Variants in SAMMSON observed in about 807,000 individuals in gnomAD.
SAMMSON encodes long intergenic non-protein coding RNA 1212.
At chr3:70,131,953 T>C (rs548805884) in intron 4 of SAMMSON, among the ~76,000 whole-genome samples, 1 of 152,208 alleles carries the variant, frequency 6.6e-6, no homozygotes, top group South Asian at 2.1e-4. Context: ...GGAGATGATA[T>C]TGAGAAATAA....
chr3:70,110,178 T>G (rs1237739241), intron 4 of SAMMSON, among the ~76,000 whole-genome samples: 1 of 152,216 alleles, frequency 6.6e-6, no homozygotes, highest in Non-Finnish European at 1.5e-5. Flanking sequence ...TATGTTCGTG[T>G]GTCTTTCTCT....
At chr3:70,091,684 A>G (rs946284796) in intron 4 of SAMMSON, among the ~76,000 whole-genome samples, 1 of 152,146 alleles carries the variant, frequency 6.6e-6, no homozygotes, top group Non-Finnish European at 1.5e-5. Context: ...TGGCAACATC[A>G]TAAGCTGGGA....
intron 4 of SAMMSON, among the ~76,000 whole-genome samples, chr3:70,091,354 T>G (rs1009922373): frequency 6.6e-6 from 1 of 152,176 alleles, no homozygotes; most frequent in Admixed American, 6.6e-5. Context: ...CCATAGAGAT[T>G]TCCACTGAAA....
At chr3:70,132,426 C>T (rs898111670) in intron 4 of SAMMSON, among the ~76,000 whole-genome samples, 3 of 152,162 alleles carry the variant, frequency 2.0e-5, no homozygotes, top group Admixed American at 6.5e-5. Context: ...TAGCCTACTA[C>T]ACATGCCCAT....
intron 2 of SAMMSON, among the ~76,000 whole-genome samples, chr3:70,416,299 G>T (rs534690640): frequency 6.6e-6 from 1 of 152,186 alleles, no homozygotes; most frequent in South Asian, 2.1e-4. Context: ...GTACATAAAG[G>T]TATCTATTCC....
intron 3 of SAMMSON, among the ~76,000 whole-genome samples, chr3:70,035,357 A>T (rs1053796079): frequency 6.6e-6 from 1 of 151,712 alleles, no homozygotes; most frequent in Non-Finnish European, 1.5e-5. Flanking sequence ...ACACTCTTTT[A>T]TAAGGCTCAT....
At chr3:70,232,941 C>A (rs1400395385) in intron 4 of SAMMSON, among the ~76,000 whole-genome samples, 2 of 152,236 alleles carry the variant, frequency 1.3e-5, no homozygotes, top group South Asian at 4.1e-4. Context: ...GTAATCCCAG[C>A]ACTTTGGAAG....
intron 7 of SAMMSON, among the ~76,000 whole-genome samples, chr3:70,348,420 G>C (rs1702768638): frequency 6.6e-6 from 1 of 152,068 alleles, no homozygotes; most frequent in South Asian, 2.1e-4. Flanking sequence ...TTGGGTTCTT[G>C]GTAAGGGCCT....
chr3:70,251,191 GC>G (rs1162394510), intron 6 of SAMMSON, among the ~76,000 whole-genome samples: 2 of 152,174 alleles, frequency 1.3e-5, no homozygotes, highest in Non-Finnish European at 2.9e-5. Context: ...TGGAGACAGA[GC>G]TACTCCTCAG....
intron 8 of SAMMSON, among the ~76,000 whole-genome samples, chr3:70,356,112 C>T (rs1702827534): frequency 6.6e-6 from 1 of 152,124 alleles, no homozygotes; most frequent in Non-Finnish European, 1.5e-5. Context: ...ACGGTAATGA[C>T]TCAGTGACAT....
intron 7 of SAMMSON, among the ~76,000 whole-genome samples, chr3:70,348,033 ACT>A (rs1702765579): frequency 1.3e-5 from 2 of 152,104 alleles, no homozygotes; most frequent in Non-Finnish European, 2.9e-5. Flanking sequence ...ACAGAGCAAG[ACT>A]CTGTCTTGAA....
intron 6 of SAMMSON, among the ~76,000 whole-genome samples, chr3:70,261,941 C>T (rs2106662241): frequency 6.6e-6 from 1 of 152,204 alleles, no homozygotes. Context: ...AGTTTAAAGC[C>T]CTTGAACTCT....
downstream of SAMMSON, among the ~76,000 whole-genome samples, chr3:70,391,549 C>T (rs940348902): frequency 6.6e-5 from 10 of 151,782 alleles, no homozygotes; most frequent in Admixed American, 3.3e-4. Context: ...AGTCTGTAGT[C>T]CAATTATATG....
At chr3:70,090,868 A>T (rs2067302680) in intron 4 of SAMMSON, among the ~76,000 whole-genome samples, 1 of 152,080 alleles carries the variant, frequency 6.6e-6, no homozygotes, top group African/African-American at 2.4e-5. Flanking sequence ...CCTGAATCTT[A>T]GGCTTAAAAA....
At chr3:70,306,809 A>G (rs1702405550) in intron 7 of SAMMSON, among the ~76,000 whole-genome samples, 1 of 152,178 alleles carries the variant, frequency 6.6e-6, no homozygotes, top group African/African-American at 2.4e-5. Flanking sequence ...TTTCTGAAGG[A>G]CAAAAAACTT....
chr3:70,104,080 A>G (rs915793590), intron 4 of SAMMSON, among the ~76,000 whole-genome samples: 3 of 151,618 alleles, frequency 2.0e-5, no homozygotes, highest in Admixed American at 6.6e-5. Flanking sequence ...GGAAAACCCA[A>G]TGGTGTTCAA....
chr3:70,263,750 A>G (rs1001744181), intron 6 of SAMMSON, among the ~76,000 whole-genome samples: 3 of 151,922 alleles, frequency 2.0e-5, no homozygotes, highest in Non-Finnish European at 2.9e-5. Flanking sequence ...CCAAATTTCA[A>G]TTTGTCTTTC....
At position 70,138,423 on chromosome 3, in the gene SAMMSON, C is replaced by T. The variant is rs749879530; in HGVS notation, n.507+66858C>T. Among the ~76,000 whole-genome samples, 6 of 151,962 alleles carry T rather than the reference C, an allele frequency of 3.9e-5. No individual in the cohort carries two copies. In the South Asian group the frequency reaches 8.3e-4, roughly 21 times the overall value. ...TGGCTGTTTTTTCCCTGTAACCTCACGTGGCAGAAGGGGTGAGAGATGTCT... is the reference window on the plus strand; with the variant it reads ...TGGCTGTTTTTTCCCTGTAACCTCATGTGGCAGAAGGGGTGAGAGATGTCT... On this transcript the variant is annotated intron_variant and non_coding_transcript_variant, in intron 4 of 9. Transcript: ENST00000642114.
At chr3:70,049,564 A>G (rs1374830521) in intron 3 of SAMMSON, among the ~76,000 whole-genome samples, 1 of 152,120 alleles carries the variant, frequency 6.6e-6, no homozygotes, top group Non-Finnish European at 1.5e-5. Context: ...TGAAGACTAC[A>G]GGTAGAGATC....
Sources: gnomAD v4.1 joint callset for allele counts (sites outside exome capture counted in the v4.1 genomes callset) on GRCh38, gnomAD v4.1.1 for gene constraint, MANE v1.5 for transcripts, NCBI Gene and HGNC (gene_info 2026-07-23, HGNC 2026-07-21) for gene names.